Variants in CCDC62 observed in about 807,000 individuals in gnomAD.
CCDC62 encodes the protein coiled-coil domain containing 62.
In CCDC62, 72 loss-of-function variants were observed where a neutral mutation model predicts 80.8. That is an observed-to-expected ratio of 0.89 (90% CI 0.74 to 1.08). The LOEUF (loss-of-function observed/expected upper bound fraction) is 1.08, where lower values mean the gene tolerates loss of function less well. Ranked by LOEUF, CCDC62 falls within the 50% of genes least tolerant of loss-of-function variation. The pLI is 0.00. For synonymous variants in CCDC62, 286 were observed against 296.5 expected, an observed-to-expected ratio of 0.96 and a Z score of 0.36; for missense variants, 704 against 809.4, an observed-to-expected ratio of 0.87 and a Z score of 1.58.
intron 9 of CCDC62, among the ~76,000 whole-genome samples, chr12:122,803,020 ACT>A (rs1252585568): frequency 2.6e-5 from 4 of 151,968 alleles, no homozygotes; most frequent in Non-Finnish European, 5.9e-5. Flanking sequence ...ACAAAGTGAG[ACT>A]CTATTTCAAA....
chr12:122,800,427 ATT>A (rs750581644), intron 8 of CCDC62, among the ~76,000 whole-genome samples: 8 of 138,926 alleles, frequency 5.8e-5, no homozygotes, highest in Non-Finnish European at 7.9e-5. Flanking sequence ...TAAAAAAAAA[ATT>A]TTTTTTTTTT....
intron 6 of CCDC62, among the ~76,000 whole-genome samples, chr12:122,795,633 C>A (rs999617516): frequency 6.6e-6 from 1 of 152,008 alleles, no homozygotes. Flanking sequence ...ACCGTGTTAG[C>A]CAGGATGGTC....
intron 6 of CCDC62, among the ~76,000 whole-genome samples, chr12:122,797,097 C>T (rs184977979): frequency 1.4e-4 from 22 of 152,130 alleles, no homozygotes; most frequent in African/African-American, 3.9e-4. Flanking sequence ...AGGCCAGTCT[C>T]GAACTCTTGA....
chr12:122,781,193 A>C lies in CCDC62; in HGVS notation c.259A>C (p.Arg87=). Residue 87 remains arginine (R), a synonymous_variant, in exon 3 of 13, where the codon AGG becomes CGG. Transcript: ENST00000253079. ...ACTACATAAAAGAACTGAAATAATC[A>C]GGTCACTCACGAAGAAGGTAAAAGC... ...GELHKRTEII[R]SLTKKVKALE... is the part of the protein sequence containing the mutation. 6.2e-7 allele frequency: 1 copy of C among 1,613,898 alleles called. No homozygotes were observed. The highest frequency in any genetic ancestry group is 1.6e-4 in the Middle Eastern group (1 of 6,062).
At position 122,798,097 on chromosome 12, in the gene CCDC62, C is replaced by G. The variant is rs1359049473; in HGVS notation, c.874C>G (p.Gln292Glu). 1 of 1,494,420 alleles carries G rather than the reference C, an allele frequency of 6.7e-7. No individual in the cohort carries two copies. Among genetic ancestry groups the G allele is most frequent in the South Asian group, 1.1e-5 (1 of 87,940 alleles). The allele number at this position is 1,494,420 out of a possible 1,614,324, so 92.6% of individuals were successfully genotyped here. A position where few individuals can be genotyped will look rare whatever the true frequency, so the allele number is the denominator to read the frequency against. ...LHNLRQIYVK[Q>E]QSDLQFLNFN... ...ATATCTATGACAGATTTATGTAAAA[C>G]AACAGAGTGATCTGCAGTTTCTTAA... The change falls in exon 8 of 13, where the codon CAA (glutamine) becomes GAA (glutamate). Residue 292 changes from glutamine to glutamate, a missense_variant. Transcript: ENST00000253079.
In CCDC62 at chr12:122,826,502, G is replaced by T; in HGVS notation, c.*121G>T. ...ACCGTAAAACTGAAAGAGGATTCTAGTTCTTCATAAACGGCACTTAATTCC... is the reference window on the plus strand; with the variant it reads ...ACCGTAAAACTGAAAGAGGATTCTATTTCTTCATAAACGGCACTTAATTCC... On this transcript the variant is annotated 3_prime_UTR_variant, in exon 13 of 13. Transcript: ENST00000253079. 1.3e-6 allele frequency: 1 copy of T among 769,554 alleles called. No individual in the cohort carries two copies. Among genetic ancestry groups the T allele is most frequent in the Non-Finnish European group, 2.4e-6 (1 of 413,402 alleles). 47.7% of individuals were successfully genotyped at this position (769,554 alleles called of 1,614,324 possible).
chr12:122,826,127 A>G (rs568202862), intron 12 of CCDC62, among the ~76,000 whole-genome samples: 33 of 152,118 alleles, frequency 2.2e-4, no homozygotes, highest in African/African-American at 7.9e-4. Context: ...CTCAGAACCC[A>G]GTTTGATAAG....
chr12:122,797,717 T>G (rs2031045166), intron 7 of CCDC62, among the ~76,000 whole-genome samples: 1 of 152,066 alleles, frequency 6.6e-6, no homozygotes, highest in South Asian at 2.1e-4. Flanking sequence ...ATTTTTTGTA[T>G]TTTTAGTAGA....
At chr12:122,784,304 C>T (rs1191291855) in intron 3 of CCDC62, among the ~76,000 whole-genome samples, 2 of 152,100 alleles carry the variant, frequency 1.3e-5, no homozygotes, top group Non-Finnish European at 1.5e-5. Flanking sequence ...GGGTGGATCA[C>T]GAGGTCAGGA....
chr12:122,774,709 A>T lies in CCDC62; in HGVS notation c.36+3A>T. On this transcript the variant is annotated splice_donor_region_variant and intron_variant, in intron 1 of 12. Transcript: ENST00000253079. Reference sequence around the variant, plus strand: ...CAGCCTTCCTTGCCGGGCGCCAGGTAAGCAGCGGTTCCGGGCGCGGCGGGG... The same window carrying T: ...CAGCCTTCCTTGCCGGGCGCCAGGTTAGCAGCGGTTCCGGGCGCGGCGGGG... 1 of 1,255,000 alleles carries T rather than the reference A, an allele frequency of 8.0e-7. No individual in the cohort carries two copies. The highest frequency in any genetic ancestry group is 1.0e-6 in the Non-Finnish European group (1 of 990,710). 77.7% of individuals were successfully genotyped at this position (1,255,000 alleles called of 1,614,324 possible).
intron 9 of CCDC62, among the ~76,000 whole-genome samples, chr12:122,804,057 T>C (rs1274665183): frequency 6.6e-6 from 1 of 152,220 alleles, no homozygotes; most frequent in Non-Finnish European, 1.5e-5. Context: ...TCTTTTTCCA[T>C]AGATTATAAG....
rs577578775 is a variant in CCDC62, at chr12:122,781,407, C to G, written c.396+77C>G. ...CAGTTATTGAAAAATTAGATTTGAC[C>G]GGGCACGGTGGCTCACTCCTGTAAT... On this transcript the variant is annotated intron_variant, in intron 3 of 12. Coordinates refer to ENST00000253079, the MANE Select transcript of CCDC62 (RefSeq NM_201435.5). 2.4e-5 allele frequency: 34 copies of G among 1,396,176 alleles called. No homozygotes were observed. The East Asian group carries it at 7.7e-4, about 32-fold the overall frequency. 86.5% of individuals were successfully genotyped at this position (1,396,176 alleles called of 1,614,324 possible).
At chr12:122,786,944 C>T (rs113376404) in intron 4 of CCDC62, among the ~76,000 whole-genome samples, 3 of 151,784 alleles carry the variant, frequency 2.0e-5, no homozygotes, top group Admixed American at 1.3e-4. Context: ...TGGGTGACAG[C>T]GAGACTCCGT....
At chr12:122,795,966 G>C (rs2030929269) in intron 6 of CCDC62, among the ~76,000 whole-genome samples, 1 of 152,132 alleles carries the variant, frequency 6.6e-6, no homozygotes. Context: ...TAGCAGCAGA[G>C]AGTTCCTTAC....
rs1879293005 is a variant in CCDC62, at chr12:122,774,670, T to G, written c.-1T>G. ...CTTCTCCGGGGGCGGAGGAAACACC[T>G]ATGAACCCTCCGGCAGCCTTCCTTG... is the stretch of plus-strand genomic sequence containing the variant. On this transcript the variant is annotated 5_prime_UTR_variant, in exon 1 of 13. Transcript: ENST00000253079. The G allele has an allele frequency of 8.0e-7, 1 of 1,254,368 alleles. No homozygotes were observed. The allele number at this position is 1,254,368 out of a possible 1,614,324, so 77.7% of individuals were successfully genotyped here. A position where few individuals can be genotyped will look rare whatever the true frequency, so the allele number is the denominator to read the frequency against.
chr12:122,827,374 T>C lies in CCDC62; in HGVS notation c.*993T>C, dbSNP rs2032675822. On this transcript the variant is annotated 3_prime_UTR_variant, in exon 13 of 13. Coordinates refer to ENST00000253079, the MANE Select transcript of CCDC62 (RefSeq NM_201435.5). ...TCTATTGTGCTGAATAAATGCCCCT[T>C]TGTTAACAGGTCTCAGTGTTACTTC... The C allele has an allele frequency of 6.6e-6, 1 of 152,186 alleles. No homozygotes were observed. Among genetic ancestry groups the C allele is most frequent in the Non-Finnish European group, 1.5e-5 (1 of 68,038 alleles). 9.4% of individuals were successfully genotyped at this position (152,186 alleles called of 1,614,324 possible).
At chr12:122,798,458 C>A (rs957186257) in intron 8 of CCDC62, among the ~76,000 whole-genome samples, 3 of 152,040 alleles carry the variant, frequency 2.0e-5, no homozygotes, top group African/African-American at 7.2e-5. Context: ...CAAACATTAG[C>A]CAGGCATAGT....
chr12:122,809,969 C>T (rs9788127), intron 10 of CCDC62, among the ~76,000 whole-genome samples: 128,093 of 151,954 alleles, frequency 0.84, 55,235 homozygotes, highest in East Asian at 0.99. Flanking sequence ...TAGCCATATG[C>T]TGAAAGCTGA....
At chr12:122,809,635 C>T (rs548924521) in intron 10 of CCDC62, among the ~76,000 whole-genome samples, 1 of 152,336 alleles carries the variant, frequency 6.6e-6, no homozygotes, top group Non-Finnish European at 1.5e-5. Context: ...GGCGAGGTGC[C>T]AATGACTTTC....
Sources: allele counts gnomAD v4.1 joint callset (sites outside exome capture counted in the v4.1 genomes callset), GRCh38; gene constraint gnomAD v4.1.1; transcripts MANE v1.5; gene names NCBI Gene and HGNC (gene_info 2026-07-23, HGNC 2026-07-21).